Variants in SLC35D1 observed in about 807,000 individuals in gnomAD.
The protein encoded by SLC35D1 is solute carrier family 35 member D1, also known as nucleotide sugar transporter SLC35D1.
Under a neutral mutation model 46.7 loss-of-function variants are expected in SLC35D1, and 31 were observed. That is an observed-to-expected ratio of 0.66 (90% CI 0.50 to 0.90). The LOEUF is 0.90. Ranked by LOEUF, SLC35D1 falls within the 40% of genes least tolerant of loss-of-function variation. The probability of loss-of-function intolerance (pLI) is 0.00; values close to 1 mark genes in which losing one functional copy is unlikely to be tolerated. For missense variants in SLC35D1, 397 were observed against 426.2 expected (o/e 0.93, Z 0.60); for synonymous variants, 195 against 164.6 (o/e 1.18, Z -1.41).
At chr1:67,012,458 A>G (rs984543068) in intron 10 of SLC35D1, among the ~76,000 whole-genome samples, 16 of 151,510 alleles carry the variant, frequency 1.1e-4, no homozygotes, top group African/African-American at 3.9e-4. Flanking sequence ...CCATAAAGAG[A>G]CTATTAGATT....
chr1:67,024,480 C>T (rs1409150746), intron 8 of SLC35D1, among the ~76,000 whole-genome samples: 4 of 152,142 alleles, frequency 2.6e-5, no homozygotes, highest in Non-Finnish European at 5.9e-5. Context: ...CATAACAAAG[C>T]ACCACAAAAC....
the SLC35D1 span, chr1:66,984,951 T>C: frequency 2.6e-6 from 4 of 1,516,168 alleles, no homozygotes; most frequent in Non-Finnish European, 3.5e-6. Context: ...GTGACTAAAA[T>C]TTTCAGGGTT....
the SLC35D1 span, chr1:66,985,896 T>C: frequency 2.1e-6 from 2 of 966,380 alleles, no homozygotes; most frequent in East Asian, 1.1e-4. Context: ...GATGCTTAGA[T>C]TGCAGTTTGT....
intron 11 of SLC35D1, 90 bp from the exon 12 acceptor site, chr1:67,004,538 T>A: frequency 9.6e-7 from 1 of 1,042,586 alleles, no homozygotes; most frequent in Non-Finnish European, 1.5e-6. Flanking sequence ...CACCAAAAAA[T>A]TAGATGAAGA....
rs1645346443 is a variant in SLC35D1, at chr1:67,054,066, G to A, written c.-53C>T. On this transcript the variant is annotated 5_prime_UTR_variant, in exon 1 of 12. Coordinates refer to ENST00000235345, the MANE Select transcript of SLC35D1 (RefSeq NM_015139.3). ...GCGGGGCCTAGCGGCTCGGGGGCCTGCAGCGGCAGCTCCCAGGGGACTCCA... is the reference window on the plus strand; with the variant it reads ...GCGGGGCCTAGCGGCTCGGGGGCCTACAGCGGCAGCTCCCAGGGGACTCCA... 6.3e-7 allele frequency: 1 copy of A among 1,576,932 alleles called. No homozygotes were observed. Among genetic ancestry groups the A allele is most frequent in the Admixed American group, 1.7e-5 (1 of 58,774 alleles).
chr1:67,021,210 G>A (rs541039150), intron 9 of SLC35D1, among the ~76,000 whole-genome samples: 6 of 152,290 alleles, frequency 3.9e-5, no homozygotes, highest in South Asian at 4.1e-4. Context: ...TACAAAGTGC[G>A]CAAATTTAGA....
chr1:66,982,883 C>T, the SLC35D1 span, among the ~76,000 whole-genome samples: 1 of 152,212 alleles, frequency 6.6e-6, no homozygotes, highest in East Asian at 1.9e-4. Context: ...GACTTGATGT[C>T]TAATGTTTGT....
chr1:67,016,809 CCAATACTT>C (rs1160490577), intron 10 of SLC35D1, among the ~76,000 whole-genome samples: 1 of 152,020 alleles, frequency 6.6e-6, no homozygotes, highest in Non-Finnish European at 1.5e-5. Context: ...GGTTATTTTA[CCAATACTT>C]TGACTAAAAT....
intron 8 of SLC35D1, among the ~76,000 whole-genome samples, chr1:67,041,137 T>C (rs1400672248): frequency 6.6e-6 from 1 of 152,226 alleles, no homozygotes. Flanking sequence ...TAACACATAA[T>C]AGGGATTCAA....
chr1:66,974,454 T>G, the SLC35D1 span, among the ~76,000 whole-genome samples: 14 of 152,046 alleles, frequency 9.2e-5, no homozygotes, highest in African/African-American at 2.7e-4. Context: ...TGTTGTTGTT[T>G]TTTAACACTT....
chr1:66,976,427 T>G, the SLC35D1 span, among the ~76,000 whole-genome samples: 2 of 152,256 alleles, frequency 1.3e-5, no homozygotes, highest in African/African-American at 4.8e-5. Flanking sequence ...TCTTAATAGA[T>G]GTTTAGAAAG....
chr1:67,003,838 A>G lies in SLC35D1; in HGVS notation c.*502T>C, dbSNP rs937322394. On this transcript the variant is annotated 3_prime_UTR_variant, in exon 12 of 12. Coordinates refer to ENST00000235345, the MANE Select transcript of SLC35D1 (RefSeq NM_015139.3). ...AGTGCCAAAGTTGTTTTCCTTGGCA[A>G]ATGGAATGATGATATGATGAAGACA... The G allele has an allele frequency of 2.3e-5, 4 of 174,430 alleles. No homozygotes were observed. The highest frequency in any genetic ancestry group is 3.7e-5 in the Non-Finnish European group (3 of 80,958). 10.8% of individuals were successfully genotyped at this position (174,430 alleles called of 1,614,324 possible). A position where few individuals can be genotyped will look rare whatever the true frequency, so the allele number is the denominator to read the frequency against.
intron 6 of SLC35D1, among the ~76,000 whole-genome samples, chr1:67,047,981 C>T (rs372266326): frequency 3.9e-4 from 60 of 152,126 alleles, no homozygotes; most frequent in African/African-American, 1.1e-3. Flanking sequence ...GTACCAGGCA[C>T]GAGATAAGAA....
At chr1:67,035,858 G>T (rs1668113027) in intron 8 of SLC35D1, among the ~76,000 whole-genome samples, 1 of 142,768 alleles carries the variant, frequency 7.0e-6, no homozygotes, top group Admixed American at 7.1e-5. Flanking sequence ...TATCCTCTCA[G>T]TACTGTTTTT....
intron 10 of SLC35D1, among the ~76,000 whole-genome samples, chr1:67,018,553 A>G (rs1333820214): frequency 2.0e-5 from 3 of 152,182 alleles, no homozygotes; most frequent in Non-Finnish European, 4.4e-5. Flanking sequence ...ACTTTAGTAT[A>G]CCCGACAATT....
chr1:67,043,031 A>G (rs1178066804), intron 7 of SLC35D1, among the ~76,000 whole-genome samples: 1 of 152,020 alleles, frequency 6.6e-6, no homozygotes, highest in Admixed American at 6.5e-5. Context: ...AACTGTCTCT[A>G]CAAAAATACA....
chr1:67,054,055 C>T lies in SLC35D1; in HGVS notation c.-42G>A, dbSNP rs1476486717. 6.3e-7 allele frequency: 1 copy of T among 1,596,762 alleles called. No individual in the cohort carries two copies. Among genetic ancestry groups the T allele is most frequent in the Non-Finnish European group, 8.6e-7 (1 of 1,169,410 alleles). On this transcript the variant is annotated 5_prime_UTR_variant, in exon 1 of 12. Coordinates refer to ENST00000235345, the MANE Select transcript of SLC35D1 (RefSeq NM_015139.3). Reference sequence around the variant, plus strand: ...GTGGCCTGGCGGCGGGGCCTAGCGGCTCGGGGGCCTGCAGCGGCAGCTCCC... The same window carrying T: ...GTGGCCTGGCGGCGGGGCCTAGCGGTTCGGGGGCCTGCAGCGGCAGCTCCC...
chr1:66,976,008 G>A, the SLC35D1 span, among the ~76,000 whole-genome samples: 1 of 151,948 alleles, frequency 6.6e-6, no homozygotes, highest in Non-Finnish European at 1.5e-5. Context: ...GTGTGTGTGA[G>A]ACTGAGTCTC....
chr1:67,038,864 C>CACA (rs1382086954), intron 8 of SLC35D1, among the ~76,000 whole-genome samples: 1 of 151,598 alleles, frequency 6.6e-6, no homozygotes, highest in Non-Finnish European at 1.5e-5. Flanking sequence ...AACACACACA[C>CACA]AACTAGTTTG....
Sources: allele counts gnomAD v4.1 joint callset (sites outside exome capture counted in the v4.1 genomes callset), GRCh38; gene constraint gnomAD v4.1.1; transcripts MANE v1.5; gene names NCBI Gene and HGNC (gene_info 2026-07-23, HGNC 2026-07-21).